The following CRACR2A variants were observed in gnomAD, a reference collection of about 807,000 sequenced individuals.
CRACR2A encodes the protein EF-hand calcium-binding domain-containing protein 4B.
In CRACR2A, 79 loss-of-function variants were observed where a neutral mutation model predicts 90.5. The ratio of observed to expected loss-of-function variants is 0.87; its 90% CI spans 0.73 to 1.05. CRACR2A has a LOEUF of 1.05. CRACR2A is among the 50% of genes least tolerant of loss of function. The pLI is 0.00. For synonymous variants in CRACR2A, 338 were observed against 356.7 expected, an observed-to-expected ratio of 0.95 and a Z score of 0.59; for missense variants, 823 against 897.2, an observed-to-expected ratio of 0.92 and a Z score of 1.06.
chr12:3,619,213 GC>G lies in CRACR2A; in HGVS notation c.2034+57del, dbSNP rs1462341936. On this transcript the variant is annotated intron_variant, in intron 18 of 19. Transcript: ENST00000440314. Reference sequence around the variant, plus strand: ...TCCCCACCAAGGCTCTTGGGCACTTGCCCAACTTCCCTCGGGGTCACACTCT... The same window carrying G: ...TCCCCACCAAGGCTCTTGGGCACTTGCCAACTTCCCTCGGGGTCACACTCT... 3.5e-6 allele frequency: 5 copies of G among 1,433,772 alleles called. No individual in the cohort carries two copies. The African/African-American group carries it at 7.1e-5, about 20-fold the overall frequency. The allele number at this position is 1,433,772 out of a possible 1,614,324, so 88.8% of individuals were successfully genotyped here.
chr12:3,725,667 C>T (rs1946251837), intron 2 of CRACR2A, among the ~76,000 whole-genome samples: 1 of 152,220 alleles, frequency 6.6e-6, no homozygotes, highest in Admixed American at 6.5e-5. Context: ...CCTCAGAGTA[C>T]ATCAGATCCT....
chr12:3,743,840 G>A (rs1946568125), intron 1 of CRACR2A, among the ~76,000 whole-genome samples: 1 of 152,206 alleles, frequency 6.6e-6, no homozygotes, highest in African/African-American at 2.4e-5. Context: ...TCTGAGTTCT[G>A]AGACACACAG....
chr12:3,669,790 T>C (rs1408232197), intron 7 of CRACR2A, among the ~76,000 whole-genome samples: 1 of 152,072 alleles, frequency 6.6e-6, no homozygotes, highest in Non-Finnish European at 1.5e-5. Context: ...GTGGGCCTTT[T>C]CCACTCACAG....
At chr12:3,629,493 C>A (rs17697668) in intron 15 of CRACR2A, among the ~76,000 whole-genome samples, 52,420 of 152,146 alleles carry the variant, frequency 0.34, 9,403 homozygotes, top group Middle Eastern at 0.46. Context: ...GGGGAAAGGC[C>A]TCCATGGTCA....
chr12:3,644,588 C>T lies in CRACR2A; in HGVS notation c.1164+7G>A, dbSNP rs1312284415. On this transcript the variant is annotated splice_region_variant and intron_variant, in intron 12 of 19. Transcript: ENST00000440314. ...CCCCCACAGGTAAGGGAGAACTGGCCAATTACCTGAAAACATATGTCCCGT... is the reference window on the plus strand; with the variant it reads ...CCCCCACAGGTAAGGGAGAACTGGCTAATTACCTGAAAACATATGTCCCGT... 1.3e-6 allele frequency: 2 copies of T among 1,551,264 alleles called. No individual in the cohort carries two copies. Among genetic ancestry groups the T allele is most frequent in the Non-Finnish European group, 1.7e-6 (2 of 1,146,952 alleles).
chr12:3,685,647 A>G (rs1290224277), intron 4 of CRACR2A, among the ~76,000 whole-genome samples: 2 of 152,256 alleles, frequency 1.3e-5, no homozygotes, highest in Non-Finnish European at 2.9e-5. Context: ...CAAATATTAT[A>G]TAAGTCCACC....
chr12:3,651,919 G>A (rs572566205), intron 10 of CRACR2A, among the ~76,000 whole-genome samples: 1 of 152,288 alleles, frequency 6.6e-6, no homozygotes, highest in South Asian at 2.1e-4. Flanking sequence ...CCACTCTATG[G>A]AGAACAAGCT....
intron 7 of CRACR2A, among the ~76,000 whole-genome samples, chr12:3,672,570 T>C (rs1268135831): frequency 1.3e-5 from 2 of 152,210 alleles, no homozygotes; most frequent in Non-Finnish European, 2.9e-5. Context: ...TTATGAACCA[T>C]CCCTAGTCAT....
chr12:3,685,525 A>G (rs942435657), intron 4 of CRACR2A, among the ~76,000 whole-genome samples: 1 of 152,244 alleles, frequency 6.6e-6, no homozygotes, highest in Non-Finnish European at 1.5e-5. Flanking sequence ...AAAATGTGGT[A>G]TATACATACA....
chr12:3,629,875 T>G (rs533236678), intron 15 of CRACR2A, among the ~76,000 whole-genome samples: 1 of 150,294 alleles, frequency 6.7e-6, no homozygotes, highest in Non-Finnish European at 1.5e-5. Context: ...AGAGGTGGCA[T>G]GTGCAAACAT....
At chr12:3,750,015 C>A (rs761317655) in intron 1 of CRACR2A, among the ~76,000 whole-genome samples, 53 of 151,842 alleles carry the variant, frequency 3.5e-4, no homozygotes, top group Non-Finnish European at 4.6e-4. Flanking sequence ...CAGCTCACTG[C>A]AAACACCGCC....
intron 11 of CRACR2A, among the ~76,000 whole-genome samples, chr12:3,646,897 T>G (rs1944696178): frequency 1.3e-5 from 2 of 152,182 alleles, no homozygotes; most frequent in South Asian, 4.1e-4. Flanking sequence ...CTACTGTGAT[T>G]CCTACTCACA....
At chr12:3,716,727 ATTCTCC>A (rs1180460452) in intron 2 of CRACR2A, among the ~76,000 whole-genome samples, 2 of 152,120 alleles carry the variant, frequency 1.3e-5, no homozygotes, top group African/African-American at 2.4e-5. Context: ...TAATTTCACA[ATTCTCC>A]TGCCCAAGCT....
intron 2 of CRACR2A, among the ~76,000 whole-genome samples, chr12:3,720,671 C>T (rs58581988): frequency 0.14 from 20,749 of 152,142 alleles, 1,602 homozygotes; most frequent in Admixed American, 0.22. Context: ...GTCCCAGCCT[C>T]CCTACCCCGA....
chr12:3,696,839 T>C lies in CRACR2A; in HGVS notation c.161A>G (p.Lys54Arg). 1.9e-6 allele frequency: 3 copies of C among 1,614,224 alleles called. No individual in the cohort carries two copies. Among genetic ancestry groups the C allele is most frequent in the Non-Finnish European group, 2.5e-6 (3 of 1,180,040 alleles). The change falls in exon 4 of 20, where the codon AAG (lysine) becomes AGG (arginine). Residue 54 changes from lysine to arginine, a missense_variant. Coordinates refer to ENST00000440314, the MANE Select transcript of CRACR2A (RefSeq NM_001144958.2). ...QTSGQLVMLRKAQEFFQTCDA... is the reference protein window; with the variant it reads ...QTSGQLVMLRRAQEFFQTCDA... ...ACAGGTCTGAAAGAACTCCTGTGCCTTCCTCAGCATGACTAGCTGGCCCGA... is the reference window on the plus strand; with the variant it reads ...ACAGGTCTGAAAGAACTCCTGTGCCCTCCTCAGCATGACTAGCTGGCCCGA...
intron 3 of CRACR2A, among the ~76,000 whole-genome samples, chr12:3,698,202 T>G (rs955705036): frequency 6.6e-6 from 1 of 152,228 alleles, no homozygotes; most frequent in Non-Finnish European, 1.5e-5. Context: ...ATCTGAAGAC[T>G]TTTTGGAAGT....
intron 3 of CRACR2A, among the ~76,000 whole-genome samples, chr12:3,712,345 C>T (rs1414885009): frequency 6.6e-6 from 1 of 152,062 alleles, no homozygotes; most frequent in African/African-American, 2.4e-5. Context: ...GTTTAATTGG[C>T]TTATGGTTCT....
At chr12:3,679,338 G>A (rs1006065070) in intron 5 of CRACR2A, among the ~76,000 whole-genome samples, 10 of 152,176 alleles carry the variant, frequency 6.6e-5, no homozygotes, top group Admixed American at 3.3e-4. Flanking sequence ...AATGTAAGAC[G>A]GATACGGTGT....
intron 10 of CRACR2A, among the ~76,000 whole-genome samples, chr12:3,653,191 C>T (rs922153825): frequency 4.6e-5 from 7 of 152,114 alleles, no homozygotes; most frequent in Non-Finnish European, 1.0e-4. Context: ...CCGTGTTGGT[C>T]AGGCTGGTCT....
Sources: allele counts gnomAD v4.1 joint callset (sites outside exome capture counted in the v4.1 genomes callset), GRCh38; gene constraint gnomAD v4.1.1; transcripts MANE v1.5; gene names NCBI Gene and HGNC (gene_info 2026-07-23, HGNC 2026-07-21).